Variants in RCOR1 observed in about 807,000 individuals in gnomAD.
RCOR1 encodes the protein REST corepressor.
A neutral mutation model predicts 64.0 loss-of-function variants in RCOR1; 12 were observed. That is an observed-to-expected ratio of 0.19 (90% CI 0.12 to 0.30). The LOEUF is 0.30. Ranked by LOEUF, RCOR1 falls within the 10% of genes least tolerant of loss-of-function variation. The probability of loss-of-function intolerance (pLI) is 1.00; values close to 1 mark genes in which losing one functional copy is unlikely to be tolerated. For synonymous variants in RCOR1, 279 were observed against 227.2 expected (o/e 1.23, Z -2.05); for missense variants, 502 against 621.2 (o/e 0.81, Z 2.04).
chr14:102,593,220 C>G (rs1399499465), intron 1 of RCOR1, 33 bp downstream of exon 1: 1 of 1,476,636 alleles, frequency 6.8e-7, no homozygotes, highest in Non-Finnish European at 8.9e-7. Context: ...GCCCCGGGCC[C>G]CGCGCCCCGC....
chr14:102,703,927 A>G (rs1462665709), intron 4 of RCOR1, among the ~76,000 whole-genome samples: 1 of 152,236 alleles, frequency 6.6e-6, no homozygotes, highest in African/African-American at 2.4e-5. Flanking sequence ...TGCCACACCG[A>G]CCACATCTGC....
intron 2 of RCOR1, among the ~76,000 whole-genome samples, chr14:102,624,730 C>T (rs1365944163): frequency 2.0e-5 from 3 of 151,766 alleles, no homozygotes; most frequent in Non-Finnish European, 4.4e-5. Flanking sequence ...CTTACCCCTA[C>T]ACTCCAGCCT....
chr14:102,609,257 C>T (rs1158734466), intron 2 of RCOR1, among the ~76,000 whole-genome samples: 10 of 150,390 alleles, frequency 6.6e-5, no homozygotes, highest in South Asian at 4.2e-4. Context: ...TGGCCAGGCT[C>T]GTCTTGAACT....
chr14:102,617,426 C>G (rs1893783714), intron 2 of RCOR1, among the ~76,000 whole-genome samples: 1 of 152,038 alleles, frequency 6.6e-6, no homozygotes, highest in Admixed American at 6.6e-5. Flanking sequence ...AAGTAATGGA[C>G]TTCTTACACT....
At chr14:102,602,550 T>A (rs983179094) in intron 2 of RCOR1, among the ~76,000 whole-genome samples, 1 of 152,034 alleles carries the variant, frequency 6.6e-6, no homozygotes, top group East Asian at 1.9e-4. Flanking sequence ...ATTACAGGCA[T>A]GTGCTACCAC....
intron 4 of RCOR1, among the ~76,000 whole-genome samples, chr14:102,704,524 C>T (rs1223528222): frequency 1.3e-5 from 2 of 152,212 alleles, no homozygotes; most frequent in Non-Finnish European, 2.9e-5. Context: ...CTCCGCCTCT[C>T]GGGTTCAAAC....
intron 10 of RCOR1, 163 bp downstream of exon 10, chr14:102,721,540 G>A (rs1896167955): frequency 2.3e-6 from 1 of 427,232 alleles, no homozygotes; most frequent in African/African-American, 2.1e-5. Flanking sequence ...AACAGAGGGA[G>A]ACCCTGACTT....
chr14:102,726,681 C>T lies in RCOR1; in HGVS notation c.*175C>T. The T allele has an allele frequency of 1.7e-6, 1 of 595,458 alleles. No individual in the cohort carries two copies. The highest frequency in any genetic ancestry group is 2.2e-5 in the South Asian group (1 of 45,750). 36.9% of individuals were successfully genotyped at this position (595,458 alleles called of 1,614,324 possible). A position where few individuals can be genotyped will look rare whatever the true frequency, so the allele number is the denominator to read the frequency against. ...CTGCCTTAATTCTTTGCTCGTTCCTCCATGTTGGCGCCACTTCCCAGAGAG... is the reference window on the plus strand; with the variant it reads ...CTGCCTTAATTCTTTGCTCGTTCCTTCATGTTGGCGCCACTTCCCAGAGAG... On this transcript the variant is annotated 3_prime_UTR_variant, in exon 12 of 12. Coordinates refer to ENST00000262241, the MANE Select transcript of RCOR1 (RefSeq NM_015156.4).
At chr14:102,626,770 T>G (rs1893990887) in intron 2 of RCOR1, among the ~76,000 whole-genome samples, 1 of 152,186 alleles carries the variant, frequency 6.6e-6, no homozygotes, top group Non-Finnish European at 1.5e-5. Flanking sequence ...CCTCCCAGAT[T>G]GCAGGATTTT....
At chr14:102,614,156 A>G (rs1595194924) in intron 2 of RCOR1, among the ~76,000 whole-genome samples, 1 of 150,554 alleles carries the variant, frequency 6.6e-6, no homozygotes, top group East Asian at 1.9e-4. Context: ...TGGCCTCCCA[A>G]CGTGCTGGGA....
chr14:102,702,436 A>G (rs1371147074), intron 4 of RCOR1, among the ~76,000 whole-genome samples: 2 of 151,154 alleles, frequency 1.3e-5, no homozygotes, highest in Non-Finnish European at 2.9e-5. Context: ...TTCTATTTCT[A>G]CTTTTTTTCT....
chr14:102,601,026 T>C (rs1468537638), intron 2 of RCOR1, among the ~76,000 whole-genome samples: 4 of 151,524 alleles, frequency 2.6e-5, no homozygotes, highest in Admixed American at 2.6e-4. Context: ...CCCTCTCTAC[T>C]AAAAACACAA....
intron 2 of RCOR1, among the ~76,000 whole-genome samples, chr14:102,671,284 A>AT (rs1340295763): frequency 6.6e-6 from 1 of 152,094 alleles, no homozygotes; most frequent in Non-Finnish European, 1.5e-5. Flanking sequence ...ACTTAATGTG[A>AT]TTTTTTAGGG....
chr14:102,597,549 G>A (rs1037783050), intron 2 of RCOR1, among the ~76,000 whole-genome samples: 11 of 149,692 alleles, frequency 7.3e-5, no homozygotes, highest in Non-Finnish European at 1.3e-4. Flanking sequence ...GGCTGGTCTC[G>A]AACTCCTGAC....
At position 102,690,968 on chromosome 14, in the gene RCOR1, T is replaced by C. The variant is rs113421698; in HGVS notation, c.445+8990T>C. On this transcript the variant is annotated intron_variant, in intron 3 of 11. Coordinates refer to ENST00000262241, the MANE Select transcript of RCOR1 (RefSeq NM_015156.4). ...GATAGAGATTTGCAAATACAGGCTTTTCTGCCATTTGCTCTGTAACTTGGG... is the reference window on the plus strand; with the variant it reads ...GATAGAGATTTGCAAATACAGGCTTCTCTGCCATTTGCTCTGTAACTTGGG... Among the ~76,000 whole-genome samples, 1,030 of 152,306 alleles carry C rather than the reference T, an allele frequency of 6.8e-3. 14 individuals carry two copies. Among genetic ancestry groups the C allele is most frequent in the African/African-American group, 0.024 (994 of 41,568 alleles).
intron 2 of RCOR1, chr14:102,651,052 A>G (rs8013886): frequency 0.37 from 359,476 of 977,124 alleles, 70,729 homozygotes; most frequent in African/African-American, 0.72. Context: ...AGCAGCTAAT[A>G]AAACTAACAT....
chr14:102,629,768 C>T (rs1894070308), intron 2 of RCOR1, among the ~76,000 whole-genome samples: 1 of 152,180 alleles, frequency 6.6e-6, no homozygotes, highest in South Asian at 2.1e-4. Context: ...AGTGTAAGGG[C>T]AGCACTGTGT....
chr14:102,592,872 C>T lies in RCOR1; in HGVS notation c.-15C>T. ...GCGGGTCCCCGCCACTTTCGCACGGCCCCGGCCCCCGCCGATGCCGGCCAT... is the reference window on the plus strand; with the variant it reads ...GCGGGTCCCCGCCACTTTCGCACGGTCCCGGCCCCCGCCGATGCCGGCCAT... On this transcript the variant is annotated 5_prime_UTR_variant, in exon 1 of 12. Coordinates refer to ENST00000262241, the MANE Select transcript of RCOR1 (RefSeq NM_015156.4). The T allele has an allele frequency of 4.9e-6, 6 of 1,215,644 alleles. No individual in the cohort carries two copies. The highest frequency in any genetic ancestry group is 6.1e-6 in the Non-Finnish European group (6 of 976,688). 75.3% of individuals were successfully genotyped at this position (1,215,644 alleles called of 1,614,324 possible).
At chr14:102,602,154 G>A (rs1417760134) in intron 2 of RCOR1, among the ~76,000 whole-genome samples, 6 of 103,046 alleles carry the variant, frequency 5.8e-5, no homozygotes, top group Non-Finnish European at 1.2e-4. Flanking sequence ...GCTAGACTCC[G>A]TCTCAAAAAA....
Sources: allele counts gnomAD v4.1 joint callset (sites outside exome capture counted in the v4.1 genomes callset), GRCh38; gene constraint gnomAD v4.1.1; transcripts MANE v1.5; gene names NCBI Gene and HGNC (gene_info 2026-07-23, HGNC 2026-07-21).